VPS13B: variants seen among roughly 807,000 people sequenced by gnomAD.
VPS13B encodes the protein intermembrane lipid transfer protein VPS13B.
A neutral mutation model predicts 426.4 loss-of-function variants in VPS13B; 285 were observed. The ratio of observed to expected loss-of-function variants is 0.67; its 90% CI spans 0.61 to 0.74. VPS13B has a LOEUF of 0.74. Among genes scored for constraint, VPS13B ranks in the 30% least tolerant of loss-of-function variants. The pLI is 0.00. For synonymous variants in VPS13B, 1,676 were observed against 1,676.4 expected, an observed-to-expected ratio of 1.00 and a Z score of 0.01; for missense variants, 4,537 against 4,782.6, an observed-to-expected ratio of 0.95 and a Z score of 1.51.
At chr8:99,177,224 T>G (rs1424110019) in intron 16 of VPS13B, among the ~76,000 whole-genome samples, 2 of 152,048 alleles carry the variant, frequency 1.3e-5, no homozygotes, top group African/African-American at 4.8e-5. Context: ...TGCCTTTGAC[T>G]TTTTTTTATG....
Position 99,818,520 on chromosome 8 carries a change from G to A in VPS13B, c.8431G>A (p.Val2811Met). 1.9e-6 allele frequency: 3 copies of A among 1,614,022 alleles called. No individual in the cohort carries two copies. The highest frequency in any genetic ancestry group is 2.5e-6 in the Non-Finnish European group (3 of 1,179,942). Residue 2811 changes from valine to methionine, a missense_variant, in exon 46 of 62, where the codon GTG becomes ATG. Transcript: ENST00000357162. ...TVLTLEPNSQ[V>M]QQRMIVFSPL... ...TTTGACTTTAGAACCCAACTCTCAA[G>A]TGCAACAACGAATGGTGAGTGCTTT... is the stretch of plus-strand genomic sequence containing the variant.
At chr8:99,618,498 G>A (rs1403809439) in intron 33 of VPS13B, among the ~76,000 whole-genome samples, 1 of 152,056 alleles carries the variant, frequency 6.6e-6, no homozygotes, top group Non-Finnish European at 1.5e-5. Context: ...TGCATGTTTG[G>A]GACTGCTGGC....
rs149842139 is a variant in VPS13B, at chr8:99,832,630, C to T, written c.9592C>T (p.Arg3198Trp). 4.2e-3 allele frequency: 6,809 copies of T among 1,613,648 alleles called. 18 individuals are homozygous for T. Among genetic ancestry groups the T allele is most frequent in the Non-Finnish European group, 5.1e-3 (6,039 of 1,179,976 alleles). ...TGTGGCAGTACCCCTCGGGAATTTCCGGGAAAATGGATTCTGTACCAGGTA... is the reference window on the plus strand; with the variant it reads ...TGTGGCAGTACCCCTCGGGAATTTCTGGGAAAATGGATTCTGTACCAGGTA... ...QSVAVPLGNF[R>W]ENGFCTRAIV... The change falls in exon 52 of 62, where the codon CGG becomes TGG. Residue 3198 changes from arginine (R) to tryptophan (W), a missense_variant. Transcript: ENST00000357162.
intron 26 of VPS13B, among the ~76,000 whole-genome samples, chr8:99,502,172 C>T: frequency 6.6e-6 from 1 of 151,956 alleles, no homozygotes; most frequent in East Asian, 1.9e-4. Flanking sequence ...TTAGTAGAGA[C>T]AGGGTTTCTC....
chr8:99,534,311 T>C (rs1457394424), intron 30 of VPS13B, among the ~76,000 whole-genome samples: 3 of 152,308 alleles, frequency 2.0e-5, no homozygotes, highest in East Asian at 3.9e-4. Context: ...AACAACAGTG[T>C]TGAAAATGAC....
Position 99,618,207 on chromosome 8 carries a change from G to A in VPS13B, c.5221-23604G>A, listed in dbSNP as rs549053735. Reference sequence around the variant, plus strand: ...CTTATATAATAGTGACTGATAAAAAGCCTTGATACCAGTAAGCAGTAGCAA... The same window carrying A: ...CTTATATAATAGTGACTGATAAAAAACCTTGATACCAGTAAGCAGTAGCAA... On this transcript the variant is annotated intron_variant, in intron 33 of 61. Transcript: ENST00000357162. Among the ~76,000 whole-genome samples the A allele has an allele frequency of 8.0e-5, 12 of 150,510 alleles. No individual in the cohort carries two copies. In the East Asian group the frequency reaches 2.3e-3, roughly 29 times the overall value.
chr8:99,461,504 T>G (rs1456640164), intron 23 of VPS13B, among the ~76,000 whole-genome samples: 1 of 152,176 alleles, frequency 6.6e-6, no homozygotes, highest in African/African-American at 2.4e-5. Flanking sequence ...TCTAACTTAT[T>G]TAATGTCTTT....
At chr8:99,776,022 C>T (rs998512346) in intron 40 of VPS13B, among the ~76,000 whole-genome samples, 1 of 152,178 alleles carries the variant, frequency 6.6e-6, no homozygotes, top group Non-Finnish European at 1.5e-5. Context: ...ATGGTCATAA[C>T]TTTTATGGCA....
chr8:99,260,470 A>G (rs1284417136), intron 17 of VPS13B, among the ~76,000 whole-genome samples: 1 of 152,098 alleles, frequency 6.6e-6, no homozygotes, highest in East Asian at 1.9e-4. Flanking sequence ...AAAATAAATA[A>G]ATGGCATGAT....
At chr8:99,819,633 A>G in intron 48 of VPS13B, 51 bp downstream of exon 48, 2 of 1,580,394 alleles carry the variant, frequency 1.3e-6, no homozygotes, top group Non-Finnish European at 1.7e-6. Flanking sequence ...ACATTAACAA[A>G]TGATCATTCA....
At chr8:99,204,929 T>C (rs957479310) in intron 17 of VPS13B, among the ~76,000 whole-genome samples, 1 of 152,162 alleles carries the variant, frequency 6.6e-6, no homozygotes, top group Non-Finnish European at 1.5e-5. Context: ...AGTTCAACCA[T>C]TGTGGAAGAT....
chr8:99,634,143 T>C (rs1185807313), intron 33 of VPS13B, among the ~76,000 whole-genome samples: 1 of 151,886 alleles, frequency 6.6e-6, no homozygotes, highest in Non-Finnish European at 1.5e-5. Context: ...AGTCTAAAGG[T>C]CAACACTGCA....
intron 36 of VPS13B, among the ~76,000 whole-genome samples, 179 bp from the exon 37 acceptor site, chr8:99,716,992 T>C (rs1030814487): frequency 3.3e-5 from 5 of 152,214 alleles, no homozygotes; most frequent in African/African-American, 9.7e-5. Context: ...GTGAATGAGG[T>C]ATACCTGCTT....
chr8:99,673,900 C>G (rs1341247725), intron 35 of VPS13B, among the ~76,000 whole-genome samples: 5 of 151,924 alleles, frequency 3.3e-5, no homozygotes, highest in African/African-American at 1.2e-4. Flanking sequence ...TTTCCATAAA[C>G]TTGTGAATTT....
chr8:99,114,771 A>G (rs771993546), intron 6 of VPS13B, among the ~76,000 whole-genome samples: 3 of 152,182 alleles, frequency 2.0e-5, no homozygotes, highest in Non-Finnish European at 2.9e-5. Context: ...TTTGCACCCT[A>G]AAAATACGAT....
In VPS13B at chr8:99,876,577, T is replaced by TAACA. The variant is rs1025126751; in HGVS notation, c.*913_*916dup. 1.3e-5 allele frequency: 2 copies of TAACA among 152,342 alleles called. No homozygotes were observed. The highest frequency in any genetic ancestry group is 2.1e-4 in the South Asian group (1 of 4,830). 9.4% of individuals were successfully genotyped at this position (152,342 alleles called of 1,614,324 possible). A position where few individuals can be genotyped will look rare whatever the true frequency, so the allele number is the denominator to read the frequency against. On this transcript the variant is annotated 3_prime_UTR_variant, in exon 62 of 62. Coordinates refer to ENST00000357162, the MANE Select transcript of VPS13B (RefSeq NM_152564.5). ...CACACAAGAACCCCAATATTAATGCTAACAATTATACCAGTCCATTTTGTT... is the reference window on the plus strand; with the variant it reads ...CACACAAGAACCCCAATATTAATGCTAACAAACAATTATACCAGTCCATTTTGTT...
At chr8:99,493,780 T>TAAAAAAAAAAAAAAAAAAAAAAAAAA (rs376555643) in intron 25 of VPS13B, among the ~76,000 whole-genome samples, 6 of 61,114 alleles carry the variant, frequency 9.8e-5, no homozygotes, top group African/African-American at 1.9e-4. Flanking sequence ...AGACTCTATC[T>TAAAAAAAAAAAAAAAAAAAAAAAAAA]AAAAAAAAAA....
intron 21 of VPS13B, among the ~76,000 whole-genome samples, chr8:99,412,363 T>C (rs181959151): frequency 6.6e-6 from 1 of 152,248 alleles, no homozygotes; most frequent in Non-Finnish European, 1.5e-5. Flanking sequence ...ATGATTTGGC[T>C]CTCTGTTTGT....
chr8:99,592,651 A>G (rs889613444), intron 33 of VPS13B, among the ~76,000 whole-genome samples: 8 of 152,086 alleles, frequency 5.3e-5, no homozygotes, highest in Non-Finnish European at 1.2e-4. Flanking sequence ...TCACACTACC[A>G]GACTTCAAAC....
Sources: allele counts gnomAD v4.1 joint callset (sites outside exome capture counted in the v4.1 genomes callset), GRCh38; gene constraint gnomAD v4.1.1; transcripts MANE v1.5; gene names NCBI Gene and HGNC (gene_info 2026-07-23, HGNC 2026-07-21).